The following USP31 variants were observed in gnomAD, a reference collection of about 807,000 sequenced individuals.
The protein encoded by USP31 is ubiquitin carboxyl-terminal hydrolase 31.
USP31 carries 44 observed loss-of-function variants against 119.4 expected under a neutral mutation model. The observed-to-expected ratio is 0.37, with a 90% confidence interval of 0.29 to 0.47. The LOEUF is 0.47. Among genes scored for constraint, USP31 ranks in the 20% least tolerant of loss-of-function variants. USP31 has a pLI of 0.99. For missense variants in USP31, 1,643 were observed against 1,730.2 expected (o/e 0.95, Z 0.89); for synonymous variants, 749 against 705.6 (o/e 1.06, Z -0.97).
intron 1 of USP31, among the ~76,000 whole-genome samples, chr16:23,114,042 T>C (rs532987865): frequency 4.2e-4 from 63 of 151,794 alleles, no homozygotes; most frequent in Non-Finnish European, 7.7e-4. Context: ...GAGGTGGAGA[T>C]TGCAGTGAGC....
At position 23,061,429 on chromosome 16, in the gene USP31, A is replaced by G. The variant is rs942285164; in HGVS notation, c.*6617T>C. The G allele has an allele frequency of 5.9e-5, 9 of 152,616 alleles. No individual in the cohort carries two copies. Among genetic ancestry groups the G allele is most frequent in the African/African-American group, 9.7e-5 (4 of 41,442 alleles). 9.5% of individuals were successfully genotyped at this position (152,616 alleles called of 1,614,324 possible). On this transcript the variant is annotated 3_prime_UTR_variant, in exon 16 of 16. Transcript: ENST00000219689. ...GCTTGAAGAGGACATCTTGTAATAA[A>G]TTTATTGTATTTTGTTACATTTTCC... is the stretch of plus-strand genomic sequence containing the variant.
chr16:23,111,215 A>T (rs1229130697), intron 1 of USP31, among the ~76,000 whole-genome samples: 2 of 152,226 alleles, frequency 1.3e-5, no homozygotes, highest in African/African-American at 4.8e-5. Flanking sequence ...AGTAGTTAGG[A>T]AACAAACTAA....
intron 12 of USP31, among the ~76,000 whole-genome samples, chr16:23,080,634 C>G (rs1277585507): frequency 6.6e-6 from 1 of 152,188 alleles, no homozygotes; most frequent in Non-Finnish European, 1.5e-5. Context: ...CAAGGCAACA[C>G]TGTCTTAGCT....
intron 14 of USP31, chr16:23,072,608 G>A (rs555313930): frequency 3.0e-5 from 14 of 472,628 alleles, no homozygotes; most frequent in South Asian, 2.0e-4. Flanking sequence ...GAGAGGATGC[G>A]GCAGTATACT....
rs1048503030 is a variant in USP31, at chr16:23,148,778, G to A, written c.493C>T (p.Arg165Trp). 6 of 1,531,994 alleles carry A rather than the reference G, an allele frequency of 3.9e-6. No individual in the cohort carries two copies. The highest frequency in any genetic ancestry group is 2.1e-5 in the Admixed American group (1 of 46,662). The allele number at this position is 1,531,994 out of a possible 1,614,324, so 94.9% of individuals were successfully genotyped here. The change falls in exon 1 of 16, where the codon CGG (arginine) becomes TGG (tryptophan). Residue 165 changes from arginine to tryptophan, a missense_variant. By Grantham distance (101) the Arg-to-Trp change is moderately radical. Transcript: ENST00000219689. ...YLALGQYRAG[R>W]PEPSPDPEQP... ...TCCGGGTCAGGCGAGGGCTCGGGCC[G>A]CCCCGCCCGGTACTGGCCCAGCGCC...
rs368582748 is a variant in USP31, at chr16:23,137,417, T to G, written c.633+11221A>C. 1.4e-4 allele frequency among the ~76,000 whole-genome samples: 21 copies of G among 152,168 alleles called. No individual in the cohort carries two copies. The South Asian group carries it at 4.2e-3, about 30-fold the overall frequency. ...AAAAGTTAAACATAGAATTATATGA[T>G]CTGAAAAAAGTGAAAACAAGAACTC... On this transcript the variant is annotated intron_variant, in intron 1 of 15. Transcript: ENST00000219689.
intron 13 of USP31, among the ~76,000 whole-genome samples, chr16:23,076,732 T>C (rs971326288): frequency 6.6e-6 from 1 of 152,244 alleles, no homozygotes; most frequent in African/African-American, 2.4e-5. Flanking sequence ...CCAGAAACTA[T>C]GTAACAAGCC....
intron 1 of USP31, among the ~76,000 whole-genome samples, chr16:23,124,395 TAA>T (rs1417759855): frequency 6.6e-6 from 1 of 152,180 alleles, no homozygotes; most frequent in Non-Finnish European, 1.5e-5. Context: ...GTCACTTACG[TAA>T]AAGACTCATT....
intron 6 of USP31, among the ~76,000 whole-genome samples, chr16:23,093,992 G>A (rs555154832): frequency 1.2e-3 from 183 of 152,272 alleles, no homozygotes; most frequent in Non-Finnish European, 2.2e-3. Flanking sequence ...TCATTGGGAC[G>A]GTTGGACAGT....
At chr16:23,108,957 C>T (rs954623383) in intron 1 of USP31, among the ~76,000 whole-genome samples, 2 of 152,120 alleles carry the variant, frequency 1.3e-5, no homozygotes, top group Admixed American at 6.5e-5. Context: ...ATACTAACAG[C>T]CTAGTGAGGG....
chr16:23,088,565 T>G (rs1901216769), intron 7 of USP31, among the ~76,000 whole-genome samples: 1 of 152,192 alleles, frequency 6.6e-6, no homozygotes, highest in Admixed American at 6.5e-5. Flanking sequence ...ATTCCCTGAA[T>G]GTGTCCTACT....
intron 13 of USP31, among the ~76,000 whole-genome samples, chr16:23,076,809 T>C (rs1460319599): frequency 6.6e-6 from 1 of 152,214 alleles, no homozygotes; most frequent in East Asian, 1.9e-4. Flanking sequence ...GCTGAGCTGG[T>C]GAACGCCAAT....
In USP31 at chr16:23,105,069, C is replaced by T. The variant is rs565960246; in HGVS notation, c.1089+372G>A. ...ATCACAATGGGAAGGGGTTTTCTAG[C>T]GTCACTGCTCAAGTTTTCAAAGCCT... On this transcript the variant is annotated intron_variant, in intron 5 of 15. Transcript: ENST00000219689. 6.6e-5 allele frequency among the ~76,000 whole-genome samples: 10 copies of T among 152,272 alleles called. No homozygotes were observed. The South Asian group carries it at 1.5e-3, about 22-fold the overall frequency.
At chr16:23,111,122 C>A (rs578152651) in intron 1 of USP31, among the ~76,000 whole-genome samples, 12 of 151,414 alleles carry the variant, frequency 7.9e-5, no homozygotes, top group Non-Finnish European at 1.8e-4. Flanking sequence ...AGCGAGACTC[C>A]GTCTCAAAAA....
intron 13 of USP31, chr16:23,079,511 C>G (rs1900723474): frequency 6.5e-6 from 1 of 154,952 alleles, no homozygotes; most frequent in African/African-American, 2.4e-5. Flanking sequence ...ATAATCACAT[C>G]TGTGAATAGC....
intron 1 of USP31, 102 bp downstream of exon 1, chr16:23,148,536 G>C: frequency 7.3e-7 from 1 of 1,365,900 alleles, no homozygotes; most frequent in Non-Finnish European, 9.4e-7. Flanking sequence ...AACCAATGCA[G>C]AAGCCTGCCG....
intron 13 of USP31, among the ~76,000 whole-genome samples, chr16:23,078,310 C>CAAAA (rs34288248): frequency 1.4e-5 from 1 of 71,122 alleles, no homozygotes; most frequent in Non-Finnish European, 2.6e-5. Flanking sequence ...GACTCCGTCG[C>CAAAA]AAAAAAAAAA....
Position 23,068,248 on chromosome 16 carries a change from T to C in USP31, c.3857A>G (p.Asn1286Ser). 1.2e-6 allele frequency: 2 copies of C among 1,614,136 alleles called. No individual in the cohort carries two copies. Among genetic ancestry groups the C allele is most frequent in the Non-Finnish European group, 1.7e-6 (2 of 1,180,016 alleles). Residue 1286 changes from asparagine (N) to serine (S), a missense_variant, in exon 16 of 16, where the codon AAT becomes AGT. Asn to Ser is a conservative substitution (Grantham distance 46). This residue lies in a region of USP31 where 699 missense variants were observed against 650.9 expected (regional missense o/e 1.07). Coordinates refer to ENST00000219689, the MANE Select transcript of USP31 (RefSeq NM_020718.4). The stretch of plus-strand genomic sequence containing the variant: ...GACAAGCTGCTCTTTTCCCGTTGTA[T>C]TTGCATTTGGCTGCTGGGAAGCTGG... ...QPPASQQPNA[N>S]TTGKEQLVTK...
intron 12 of USP31, among the ~76,000 whole-genome samples, chr16:23,081,878 G>A (rs137970100): frequency 1.3e-5 from 2 of 152,300 alleles, no homozygotes; most frequent in East Asian, 3.9e-4. Flanking sequence ...GTAAAAGCTT[G>A]CTCATCTTTC....
Sources: gnomAD v4.1 joint callset for allele counts (sites outside exome capture counted in the v4.1 genomes callset) on GRCh38, gnomAD v4.1.1 for gene constraint, gnomAD v4.1.1 regional missense constraint, MANE v1.5 for transcripts, NCBI Gene and HGNC (gene_info 2026-07-23, HGNC 2026-07-21) for gene names.